The following PPP1R3F variants were observed in gnomAD, a reference collection of about 807,000 sequenced individuals.
PPP1R3F encodes the protein protein phosphatase 1, regulatory (inhibitor) subunit 3F.
A neutral mutation model predicts 24.2 loss-of-function variants in PPP1R3F; 29 were observed. That is an observed-to-expected ratio of 1.20 (90% CI 0.89 to 1.63). PPP1R3F has a LOEUF of 1.63. Ranked by LOEUF, PPP1R3F falls within the 40% of genes most tolerant of loss-of-function variation. The pLI is 0.00. For missense variants in PPP1R3F, 823 were observed against 729.3 expected, an observed-to-expected ratio of 1.13 and a Z score of -1.48; for synonymous variants, 363 against 340.1, an observed-to-expected ratio of 1.07 and a Z score of -0.74.
intron 1 of PPP1R3F, among the ~76,000 whole-genome samples, chrX:49,276,277 T>C (rs1180369598): frequency 1.8e-5 from 2 of 112,599 alleles, no homozygotes; most frequent in Admixed American, 1.9e-4. Context: ...AGGGGGTTAC[T>C]GTTAAGTGCT....
downstream of PPP1R3F, among the ~76,000 whole-genome samples, chrX:49,290,800 C>T (rs1315098861): frequency 1.8e-5 from 2 of 111,299 alleles, no homozygotes; most frequent in African/African-American, 6.5e-5. Context: ...TTTTCCTCCT[C>T]ACAGGGTTAA....
chrX:49,281,720 C>G (rs782699611), intron 2 of PPP1R3F, among the ~76,000 whole-genome samples: 2 of 108,830 alleles, frequency 1.8e-5, no homozygotes, highest in Non-Finnish European at 3.8e-5. Flanking sequence ...CCCTGCTACT[C>G]GGGAGGCTGA....
rs1474776639 is a variant in PPP1R3F, at chrX:49,269,842, T to TGCCGTCGGTGCC, written c.-23_-12dup. 9.8e-5 allele frequency: 85 copies of TGCCGTCGGTGCC among 869,609 alleles called. No individual in the cohort carries two copies. The highest frequency in any genetic ancestry group is 1.7e-4 in the African/African-American group (8 of 46,493). The allele number at this position is 869,609 out of a possible 1,213,427, so 71.7% of individuals were successfully genotyped here. A position where few individuals can be genotyped will look rare whatever the true frequency, so the allele number is the denominator to read the frequency against. On this transcript the variant is annotated 5_prime_UTR_variant, in exon 1 of 4. Transcript: ENST00000055335. ...CTGCCCCCGCCGGTCCCGCCGCCGG[T>TGCCGTCGGTGCC]GCCGTCGGTGCCGCCGCCGCCGCCG...
intron 3 of PPP1R3F, among the ~76,000 whole-genome samples, chrX:49,298,276 T>A (rs1288074251): frequency 1.8e-5 from 2 of 112,321 alleles, no homozygotes; most frequent in Non-Finnish European, 3.8e-5. Flanking sequence ...CTTATAAAGC[T>A]TAGTTTGGCT....
intron 3 of PPP1R3F, among the ~76,000 whole-genome samples, chrX:49,295,955 G>T (rs1194863403): frequency 1.8e-5 from 2 of 111,072 alleles, no homozygotes; most frequent in East Asian, 5.6e-4. Context: ...GATACATGAG[G>T]TATCATATTG....
At chrX:49,274,802 A>C (rs782397281) in intron 1 of PPP1R3F, 6 of 111,512 alleles carry the variant, frequency 5.4e-5, no homozygotes, top group Non-Finnish European at 9.4e-5. Context: ...TCAAAAAACA[A>C]AACAGAAGCC....
At chrX:49,281,310 G>A in intron 1 of PPP1R3F, 96 bp from the exon 2 acceptor site, 2 of 545,648 alleles carry the variant, frequency 3.7e-6, no homozygotes, top group Non-Finnish European at 2.9e-6. Flanking sequence ...TCAGGTGAAG[G>A]TGGGCTAGCA....
At chrX:49,295,809 G>T (rs2066321452) in intron 3 of PPP1R3F, among the ~76,000 whole-genome samples, 1 of 108,733 alleles carries the variant, frequency 9.2e-6, no homozygotes, top group African/African-American at 3.4e-5. Flanking sequence ...AGCAGTTTTA[G>T]GTTTACAGTA....
rs1477876542 is a variant in PPP1R3F, at chrX:49,287,262, C to T, written c.*172C>T. On this transcript the variant is annotated 3_prime_UTR_variant, in exon 4 of 4. Coordinates refer to ENST00000055335, the MANE Select transcript of PPP1R3F (RefSeq NM_033215.5). ...GGTGACACCAGTGGAGATGAGGGAACGGGTAGATGGTGTGAGTGAGGGGAA... is the reference window on the plus strand; with the variant it reads ...GGTGACACCAGTGGAGATGAGGGAATGGGTAGATGGTGTGAGTGAGGGGAA... The T allele has an allele frequency of 1.5e-5, 7 of 466,649 alleles. No homozygotes were observed. The highest frequency in any genetic ancestry group is 4.1e-5 in the Admixed American group (1 of 24,118). 38.5% of individuals were successfully genotyped at this position (466,649 alleles called of 1,213,427 possible).
intron 1 of PPP1R3F, chrX:49,274,600 A>G (rs1301993112): frequency 8.9e-6 from 1 of 112,233 alleles, no homozygotes; most frequent in African/African-American, 3.2e-5. Flanking sequence ...GCTTTTTCAT[A>G]GCACTCATCA....
In PPP1R3F at chrX:49,300,477, GTTT is replaced by G. The variant is rs35140303; in HGVS notation, c.393-846_393-844del. ...ATTTGGCCATCTTGCTATTGCTGCTGTTTTTTTTTTTTTTTTTTTTTTTTTTTT... is the reference window on the plus strand; with the variant it reads ...ATTTGGCCATCTTGCTATTGCTGCTGTTTTTTTTTTTTTTTTTTTTTTTTT... On this transcript the variant is annotated intron_variant, in intron 3 of 3. Coordinates refer to the PPP1R3F transcript ENST00000471261. Among the ~76,000 whole-genome samples the G allele has an allele frequency of 2.5e-3, 176 of 70,318 alleles. 1 individual carries two copies. The highest frequency in any genetic ancestry group is 0.012 in the African/African-American group (157 of 13,562). The allele number at this position is 70,318 out of a possible 115,157, so 61.1% of individuals were successfully genotyped here. A position where few individuals can be genotyped will look rare whatever the true frequency, so the allele number is the denominator to read the frequency against.
chrX:49,278,415 G>A (rs903707306), intron 1 of PPP1R3F, among the ~76,000 whole-genome samples: 8 of 112,534 alleles, frequency 7.1e-5, no homozygotes, highest in South Asian at 3.7e-4. Context: ...CAGCCTGGCA[G>A]AAATTGTGTT....
At chrX:49,276,615 C>G (rs1342597090) in intron 1 of PPP1R3F, among the ~76,000 whole-genome samples, 4 of 112,563 alleles carry the variant, frequency 3.6e-5, no homozygotes, top group African/African-American at 1.3e-4. Flanking sequence ...ATTTATATGT[C>G]TGTTTACACG....
At chrX:49,291,092 TC>T (rs1458438795), downstream of PPP1R3F, among the ~76,000 whole-genome samples, 1 of 111,633 alleles carries the variant, frequency 9.0e-6, no homozygotes, top group African/African-American at 3.3e-5. Flanking sequence ...GTTCAAGTGA[TC>T]CTCCGACCTC....
intron 1 of PPP1R3F, chrX:49,275,360 A>G (rs2066206066): frequency 1.8e-5 from 2 of 111,091 alleles, no homozygotes; most frequent in Admixed American, 1.9e-4. Context: ...AGCTTCATGT[A>G]TCCAAACTCG....
intron 1 of PPP1R3F, chrX:49,275,491 T>A (rs1234161391): frequency 3.6e-5 from 4 of 111,912 alleles, no homozygotes; most frequent in African/African-American, 9.8e-5. Context: ...CCCCACTTGC[T>A]CGTTTTGCTT....
At chrX:49,279,483 A>G (rs1347051324) in intron 1 of PPP1R3F, among the ~76,000 whole-genome samples, 1 of 111,814 alleles carries the variant, frequency 8.9e-6, no homozygotes, top group Admixed American at 9.4e-5. Context: ...CAGGAGTTTG[A>G]GACCAGCCTG....
chrX:49,294,125 A>G (rs1557122595), intron 3 of PPP1R3F, among the ~76,000 whole-genome samples: 1 of 111,437 alleles, frequency 9.0e-6, no homozygotes, highest in Non-Finnish European at 1.9e-5. Flanking sequence ...GTTTCTATGA[A>G]TTTTAATATG....
At chrX:49,295,525 T>C (rs1448158590) in intron 3 of PPP1R3F, among the ~76,000 whole-genome samples, 1 of 106,909 alleles carries the variant, frequency 9.4e-6, no homozygotes, top group African/African-American at 3.3e-5. Flanking sequence ...TATTTTTGTA[T>C]ATTGGATTTG....
Sources: gnomAD v4.1 joint callset for allele counts (sites outside exome capture counted in the v4.1 genomes callset) on GRCh38, gnomAD v4.1.1 for gene constraint, MANE v1.5 for transcripts, NCBI Gene and HGNC (gene_info 2026-07-23, HGNC 2026-07-21) for gene names.